Variants in RAPGEF1 observed in about 807,000 individuals in gnomAD.
RAPGEF1 encodes CRK SH3-binding GNRP.
Under a neutral mutation model 143.3 loss-of-function variants are expected in RAPGEF1, and 33 were observed. The ratio of observed to expected loss-of-function variants is 0.23; its 90% CI spans 0.17 to 0.31. The LOEUF is 0.31. RAPGEF1 is among the 10% of genes least tolerant of loss of function. The pLI is 1.00. For synonymous variants in RAPGEF1, 629 were observed against 676.5 expected (o/e 0.93, Z 1.09); for missense variants, 1,199 against 1,645.4 (o/e 0.73, Z 4.69).
chr9:131,579,328 G>C lies in RAPGEF1; in HGVS notation c.*169C>G. The C allele has an allele frequency of 5.6e-6, 5 of 899,888 alleles. No homozygotes were observed. The highest frequency in any genetic ancestry group is 8.4e-6 in the Non-Finnish European group (5 of 591,996). 55.7% of individuals were successfully genotyped at this position (899,888 alleles called of 1,614,324 possible). On this transcript the variant is annotated 3_prime_UTR_variant, in exon 27 of 27. Transcript: ENST00000683357. ...CTGCTCCCACAGAGGAAGGAGGCAG[G>C]AAGCGGCTGGCAGGCTCCAGCTCCC...
chr9:131,732,918 CA>C (rs1432776982), intron 1 of RAPGEF1, among the ~76,000 whole-genome samples: 4 of 152,254 alleles, frequency 2.6e-5, no homozygotes, highest in Admixed American at 2.6e-4. Context: ...TTTTAACTTG[CA>C]GAAAGGAAAC....
At chr9:131,651,564 G>GA (rs929764056) in intron 1 of RAPGEF1, among the ~76,000 whole-genome samples, 85 of 152,174 alleles carry the variant, frequency 5.6e-4, no homozygotes, top group Middle Eastern at 3.4e-3. Context: ...AAACCTCTCA[G>GA]AAAAAAACAG....
At chr9:131,710,214 T>C (rs1457232157) in intron 1 of RAPGEF1, among the ~76,000 whole-genome samples, 1 of 152,016 alleles carries the variant, frequency 6.6e-6, no homozygotes, top group Non-Finnish European at 1.5e-5. Context: ...ACGTAACAAG[T>C]ACTGTCAGAG....
At chr9:131,660,743 T>TG (rs1440071974) in intron 1 of RAPGEF1, among the ~76,000 whole-genome samples, 1 of 152,002 alleles carries the variant, frequency 6.6e-6, no homozygotes, top group Non-Finnish European at 1.5e-5. Flanking sequence ...TGCCCCAGAG[T>TG]GGGGCCCTGG....
chr9:131,687,490 C>T (rs571588550), intron 1 of RAPGEF1, among the ~76,000 whole-genome samples: 3 of 151,888 alleles, frequency 2.0e-5, no homozygotes, highest in South Asian at 2.1e-4. Context: ...CCATCGCACC[C>T]GGCCTTGCAT....
In RAPGEF1 at chr9:131,579,415, C is replaced by G; in HGVS notation, c.*82G>C. 6.5e-7 allele frequency: 1 copy of G among 1,528,454 alleles called. No individual in the cohort carries two copies. Among genetic ancestry groups the G allele is most frequent in the South Asian group, 1.3e-5 (1 of 79,456 alleles). 94.7% of individuals were successfully genotyped at this position (1,528,454 alleles called of 1,614,324 possible). On this transcript the variant is annotated 3_prime_UTR_variant, in exon 27 of 27. Coordinates refer to ENST00000683357, the MANE Select transcript of RAPGEF1 (RefSeq NM_001377935.1). ...CCGAGGCCGGGACTCCTGCCATGCGCCTAACAGGTCCAAGGTCCTCTCCGG... is the reference window on the plus strand; with the variant it reads ...CCGAGGCCGGGACTCCTGCCATGCGGCTAACAGGTCCAAGGTCCTCTCCGG...
At chr9:131,579,698 G>A in intron 26 of RAPGEF1, 51 bp from the exon 27 acceptor site, 1 of 1,582,230 alleles carries the variant, frequency 6.3e-7, no homozygotes, top group South Asian at 1.1e-5. Flanking sequence ...GGGCTGGATG[G>A]CCCGATGGCG....
At chr9:131,698,178 C>T (rs1252991028) in intron 1 of RAPGEF1, among the ~76,000 whole-genome samples, 1 of 152,222 alleles carries the variant, frequency 6.6e-6, no homozygotes, top group Non-Finnish European at 1.5e-5. Flanking sequence ...AGATGATCAC[C>T]TCCCTCAGTC....
In RAPGEF1 at chr9:131,630,330, C is replaced by T; in HGVS notation, c.652-6G>A. 6.2e-7 allele frequency: 1 copy of T among 1,612,934 alleles called. No individual in the cohort carries two copies. The highest frequency in any genetic ancestry group is 1.1e-5 in the South Asian group (1 of 91,048). ...ATGGTGAGCCTGACCAGCTCCTACC[C>T]CCACAAGAAAAAGGCAATGAGCAAA... On this transcript the variant is annotated splice_polypyrimidine_tract_variant and splice_region_variant and intron_variant, in intron 5 of 26. Coordinates refer to ENST00000683357, the MANE Select transcript of RAPGEF1 (RefSeq NM_001377935.1).
chr9:131,725,323 A>C (rs1329846701), intron 1 of RAPGEF1: 1 of 152,206 alleles, frequency 6.6e-6, no homozygotes, highest in Admixed American at 6.5e-5. Flanking sequence ...AGAGGTTAAC[A>C]TATTGATGCT....
chr9:131,725,760 G>GTTTT (rs71501267), intron 1 of RAPGEF1, among the ~76,000 whole-genome samples: 1 of 132,634 alleles, frequency 7.5e-6, no homozygotes, highest in Non-Finnish European at 1.6e-5. Context: ...ATTGGGTTGT[G>GTTTT]TTTTTTTTTT....
At chr9:131,624,886 C>T (rs1019933543) in intron 10 of RAPGEF1, among the ~76,000 whole-genome samples, 7 of 152,220 alleles carry the variant, frequency 4.6e-5, no homozygotes, top group Non-Finnish European at 1.0e-4. Flanking sequence ...ACAAGCTGGG[C>T]AACACCCACT....
At position 131,729,420 on chromosome 9, in the gene RAPGEF1, C is replaced by T. The variant is rs921888376; in HGVS notation, c.61+10350G>A. On this transcript the variant is annotated intron_variant, in intron 1 of 26. Coordinates refer to ENST00000683357, the MANE Select transcript of RAPGEF1 (RefSeq NM_001377935.1). Reference sequence around the variant, plus strand: ...CCGTTGTGCCATCTGTGAAAGGTTTCTCCAAAGCAGATTCTCATGCAATAT... The same window carrying T: ...CCGTTGTGCCATCTGTGAAAGGTTTTTCCAAAGCAGATTCTCATGCAATAT... Among the ~76,000 whole-genome samples the T allele has an allele frequency of 5.3e-5, 8 of 152,368 alleles. No homozygotes were observed. The East Asian group carries it at 1.5e-3, about 29-fold the overall frequency.
At chr9:131,697,169 G>A (rs556805138) in intron 1 of RAPGEF1, among the ~76,000 whole-genome samples, 1 of 149,992 alleles carries the variant, frequency 6.7e-6, no homozygotes, top group South Asian at 2.1e-4. Context: ...CCCTCTGCTG[G>A]CCCAGGCTTC....
chr9:131,715,730 G>C (rs1016479466), intron 1 of RAPGEF1, among the ~76,000 whole-genome samples: 1 of 151,964 alleles, frequency 6.6e-6, no homozygotes, highest in Non-Finnish European at 1.5e-5. Context: ...TGAGCATGGT[G>C]GTGAGCACCT....
chr9:131,709,810 A>G, intron 1 of RAPGEF1: 1 of 1,485,394 alleles, frequency 6.7e-7, no homozygotes, highest in East Asian at 2.4e-5. Flanking sequence ...GGCAGAACCC[A>G]GGCAGCCTCA....
At chr9:131,721,343 G>A (rs1041556320) in intron 1 of RAPGEF1, among the ~76,000 whole-genome samples, 15 of 152,272 alleles carry the variant, frequency 9.9e-5, no homozygotes, top group Admixed American at 4.6e-4. Context: ...TCTGTCACGC[G>A]CTCTGTCAGC....
intron 9 of RAPGEF1, among the ~76,000 whole-genome samples, chr9:131,626,857 C>G (rs1963261707): frequency 6.6e-6 from 1 of 152,154 alleles, no homozygotes; most frequent in African/African-American, 2.4e-5. Flanking sequence ...TCCCAGCACT[C>G]TGTGAGGCCG....
At chr9:131,639,467 TGA>T (rs1219319968) in intron 4 of RAPGEF1, among the ~76,000 whole-genome samples, 3 of 143,236 alleles carry the variant, frequency 2.1e-5, no homozygotes, top group East Asian at 4.0e-4. Context: ...TGTGTGTGTG[TGA>T]GAGAGAGACC....
Sources: allele counts gnomAD v4.1 joint callset (sites outside exome capture counted in the v4.1 genomes callset), GRCh38; gene constraint gnomAD v4.1.1; transcripts MANE v1.5; gene names NCBI Gene and HGNC (gene_info 2026-07-23, HGNC 2026-07-21).